PRKN: variants seen among roughly 807,000 people sequenced by gnomAD.
PRKN encodes the protein parkin RBR E3 ubiquitin protein ligase, also known as E3 ubiquitin-protein ligase parkin.
A neutral mutation model predicts 59.5 loss-of-function variants in PRKN; 56 were observed. That is an observed-to-expected ratio of 0.94 (90% CI 0.76 to 1.18). PRKN has a LOEUF of 1.18. Ranked by LOEUF, PRKN falls within the 50% of genes most tolerant of loss-of-function variation. The pLI, the probability that PRKN is intolerant of heterozygous loss-of-function variation, is 0.00. For synonymous variants in PRKN, 250 were observed against 222.1 expected (o/e 1.13, Z -1.12); for missense variants, 657 against 596.4 (o/e 1.10, Z -1.06).
At chr6:161,877,907 A>C (rs182810120) in intron 6 of PRKN, among the ~76,000 whole-genome samples, 1 of 151,850 alleles carries the variant, frequency 6.6e-6, no homozygotes, top group Non-Finnish European at 1.5e-5. Flanking sequence ...ACAGTGACAC[A>C]CTCCCATATA....
chr6:162,066,818 T>C (rs1778359640), intron 4 of PRKN, among the ~76,000 whole-genome samples: 1 of 152,236 alleles, frequency 6.6e-6, no homozygotes, highest in Admixed American at 6.5e-5. Context: ...GAATCACTGA[T>C]ACAGATCACA....
chr6:162,662,102 TTAA>T (rs1388699891), intron 1 of PRKN, among the ~76,000 whole-genome samples: 1 of 152,256 alleles, frequency 6.6e-6, no homozygotes, highest in East Asian at 1.9e-4. Flanking sequence ...CTTTTTTTTT[TTAA>T]TAATTTCTTT....
At chr6:161,680,489 C>T (rs917581568) in intron 7 of PRKN, among the ~76,000 whole-genome samples, 12 of 151,852 alleles carry the variant, frequency 7.9e-5, no homozygotes, top group Admixed American at 2.0e-4. Context: ...GTGCCCTTCA[C>T]GGATGGAATA....
At chr6:162,605,602 A>G (rs1781881799) in intron 1 of PRKN, among the ~76,000 whole-genome samples, 2 of 152,344 alleles carry the variant, frequency 1.3e-5, no homozygotes, top group Admixed American at 6.5e-5. Flanking sequence ...GAAACCAATT[A>G]CCACAGGTAA....
intron 6 of PRKN, among the ~76,000 whole-genome samples, chr6:161,846,772 A>G (rs375653884): frequency 3.7e-4 from 56 of 152,246 alleles, no homozygotes; most frequent in African/African-American, 1.3e-3. Context: ...CCTCAATGTA[A>G]TTGCTCCTGT....
At position 162,341,699 on chromosome 6, in the gene PRKN, T is replaced by C. The variant is rs571909033; in HGVS notation, c.172-78934A>G. Among the ~76,000 whole-genome samples the C allele has an allele frequency of 1.1e-3, 162 of 151,174 alleles. 1 individual carries two copies. The highest frequency in any genetic ancestry group is 3.8e-3 in the African/African-American group (158 of 41,148). On this transcript the variant is annotated intron_variant, in intron 2 of 11. Coordinates refer to ENST00000366898, the MANE Select transcript of PRKN (RefSeq NM_004562.3). The stretch of plus-strand genomic sequence containing the variant: ...GCATGTTCCCACTCATAAGTGGGAG[T>C]TGAAAAATGAGAACACATGGATACA...
In PRKN at chr6:161,428,968, G is replaced by A. The variant is rs765107771; in HGVS notation, c.1084-42091C>T. ...TACATTCCTGCCCTAAGACTGGAAG[G>A]CTGGCAGACCAGCTCAGGTCAGCTG... On this transcript the variant is annotated intron_variant, in intron 9 of 11. Coordinates refer to ENST00000366898, the MANE Select transcript of PRKN (RefSeq NM_004562.3). This position sits in a 1 kb window ranked among gnomAD's most constrained non-coding sequence, Gnocchi z 4.0. Among the ~76,000 whole-genome samples, 2 of 152,112 alleles carry A rather than the reference G, an allele frequency of 1.3e-5. No homozygotes were observed. The highest frequency in any genetic ancestry group is 2.1e-4 in the South Asian group (1 of 4,822).
At chr6:162,649,672 T>G (rs1778342153) in intron 1 of PRKN, among the ~76,000 whole-genome samples, 1 of 151,606 alleles carries the variant, frequency 6.6e-6, no homozygotes, top group Admixed American at 6.6e-5. Context: ...AAAAAAAAAG[T>G]ATTAAACTTT....
intron 2 of PRKN, among the ~76,000 whole-genome samples, chr6:162,432,823 T>C (rs1280480229): frequency 6.6e-6 from 1 of 152,222 alleles, no homozygotes; most frequent in Non-Finnish European, 1.5e-5. Flanking sequence ...TGAAATTACT[T>C]CATGCCCCTT....
chr6:162,223,621 AC>A (rs1419618208), intron 3 of PRKN, among the ~76,000 whole-genome samples: 4 of 103,332 alleles, frequency 3.9e-5, no homozygotes, highest in Admixed American at 9.2e-5. Context: ...TGACACACAC[AC>A]ACACACACAC....
intron 7 of PRKN, among the ~76,000 whole-genome samples, chr6:161,687,792 C>T (rs1252846012): frequency 2.0e-5 from 3 of 152,070 alleles, no homozygotes; most frequent in Non-Finnish European, 4.4e-5. Context: ...AACATGTTTT[C>T]CTGTCTTTAG....
chr6:162,339,258 C>T (rs1583406988), intron 2 of PRKN, among the ~76,000 whole-genome samples: 2 of 145,862 alleles, frequency 1.4e-5, no homozygotes, highest in Non-Finnish European at 3.1e-5. Flanking sequence ...GTCAGCCCCC[C>T]GCCCGGCCAG....
intron 3 of PRKN, among the ~76,000 whole-genome samples, chr6:162,237,714 G>A (rs552650605): frequency 1.3e-5 from 2 of 152,104 alleles, no homozygotes; most frequent in African/African-American, 4.8e-5. Flanking sequence ...AAAGGCAGTG[G>A]GTTTAGGGTG....
In PRKN at chr6:161,386,776, G is replaced by A. The variant is rs753986748; in HGVS notation, c.1167+18C>T. On this transcript the variant is annotated intron_variant, in intron 10 of 11. Coordinates refer to ENST00000366898, the MANE Select transcript of PRKN (RefSeq NM_004562.3). This position sits in a 1 kb window ranked among gnomAD's most constrained non-coding sequence, Gnocchi z 4.3. ...TATCCGGAGCCCTGCTTGGAGGAAT[G>A]AGTAGGGCATTCTGTACCTGAGTAG... 5.1e-6 allele frequency: 8 copies of A among 1,575,810 alleles called. No homozygotes were observed. The East Asian group carries it at 1.3e-4, about 26-fold the overall frequency.
chr6:161,590,751 A>T (rs917905590), intron 7 of PRKN, among the ~76,000 whole-genome samples: 2 of 151,706 alleles, frequency 1.3e-5, no homozygotes, highest in Non-Finnish European at 2.9e-5. Flanking sequence ...AAAAAAAAAA[A>T]TTGCATAACT....
chr6:162,065,492 G>A (rs1226698697), intron 4 of PRKN, among the ~76,000 whole-genome samples: 6 of 152,046 alleles, frequency 3.9e-5, no homozygotes, highest in East Asian at 3.9e-4. Context: ...CCACTGACTC[G>A]AATTTCAATA....
chr6:161,777,656 A>G (rs1274681575), intron 7 of PRKN, among the ~76,000 whole-genome samples: 3 of 134,558 alleles, frequency 2.2e-5, no homozygotes, highest in Non-Finnish European at 4.7e-5. Context: ...TCATATATAT[A>G]TATTATATAT....
intron 1 of PRKN, among the ~76,000 whole-genome samples, chr6:162,594,736 C>A (rs375525431): frequency 1.8e-4 from 28 of 152,292 alleles, no homozygotes; most frequent in African/African-American, 5.8e-4. Flanking sequence ...CTAAAAAGTA[C>A]AGTGGTCAAA....
At chr6:162,535,342 T>TG (rs1778670640) in intron 1 of PRKN, among the ~76,000 whole-genome samples, 1 of 152,158 alleles carries the variant, frequency 6.6e-6, no homozygotes, top group Admixed American at 6.5e-5. Context: ...TTAGAGTCCC[T>TG]GGTTCCTATT....
Sources: gnomAD v4.1 joint callset for allele counts (sites outside exome capture counted in the v4.1 genomes callset) on GRCh38, gnomAD v4.1.1 for gene constraint, Gnocchi (gnomAD v3.1) non-coding constraint, MANE v1.5 for transcripts, NCBI Gene and HGNC (gene_info 2026-07-23, HGNC 2026-07-21) for gene names.